The following RIC3 variants were observed in gnomAD, a reference collection of about 807,000 sequenced individuals.
The protein encoded by RIC3 is protein RIC-3.
Under a neutral mutation model 27.3 loss-of-function variants are expected in RIC3, and 28 were observed. The ratio of observed to expected loss-of-function variants is 1.02; its 90% CI spans 0.76 to 1.41. RIC3 has a LOEUF of 1.41. RIC3 is among the 40% of genes most tolerant of loss of function. The pLI is 0.00. For missense variants in RIC3, 501 were observed against 444.7 expected, an observed-to-expected ratio of 1.13 and a Z score of -1.14; for synonymous variants, 184 against 160.4, an observed-to-expected ratio of 1.15 and a Z score of -1.11.
the RIC3 span, chr11:8,096,550 T>G: frequency 1.4e-6 from 1 of 699,156 alleles, no homozygotes. Context: ...TGTGTAGATA[T>G]GGCTAAGAGT....
rs1209438289 is a variant in RIC3 at position 8,109,999 on chromosome 11, G to A, written c.*699C>T. 6.5e-6 allele frequency: 1 copy of A among 154,028 alleles called. No homozygotes were observed. The highest frequency in any genetic ancestry group is 1.4e-5 in the Non-Finnish European group (1 of 69,394). The allele number at this position is 154,028 out of a possible 1,614,324, so 9.5% of individuals were successfully genotyped here. A position where few individuals can be genotyped will look rare whatever the true frequency, so the allele number is the denominator to read the frequency against. ...CTTGGCAGTTCTGTTAAGCAGAACAGGGGTAAAGGAAGCTAGATATCCAGG... is the reference window on the plus strand; with the variant it reads ...CTTGGCAGTTCTGTTAAGCAGAACAAGGGTAAAGGAAGCTAGATATCCAGG... On this transcript the variant is annotated 3_prime_UTR_variant, in exon 6 of 6. Coordinates refer to ENST00000309737, the MANE Select transcript of RIC3 (RefSeq NM_001206671.4).
chr11:8,097,311 G>A, the RIC3 span: 1 of 1,614,168 alleles, frequency 6.2e-7, no homozygotes, highest in South Asian at 1.1e-5. Context: ...TTGCACTGAG[G>A]CCGGCCCCCC....
chr11:8,124,099 GAAAA>G (rs1946754771), intron 5 of RIC3, among the ~76,000 whole-genome samples: 4 of 148,214 alleles, frequency 2.7e-5, no homozygotes, highest in East Asian at 4.0e-4. Flanking sequence ...AAAAGAAAAA[GAAAA>G]AGAGAAAGCA....
At chr11:8,101,513 G>A (rs200534110), downstream of RIC3, 44 of 1,614,092 alleles carry the variant, frequency 2.7e-5, no homozygotes, top group East Asian at 4.5e-5. Flanking sequence ...CAGTTTGGCC[G>A]GGTAGCAGAG....
chr11:8,164,545 G>A (rs951319295), intron 1 of RIC3, among the ~76,000 whole-genome samples: 11 of 152,144 alleles, frequency 7.2e-5, no homozygotes, highest in African/African-American at 2.4e-4. Context: ...GGAGGCCAAG[G>A]TGGGAGGATC....
chr11:8,131,628 C>T lies in RIC3; in HGVS notation c.522-4821G>A, dbSNP rs376202180. On this transcript the variant is annotated intron_variant, in intron 4 of 5. Transcript: ENST00000309737. ...ATCAAAAGTGAATAGGGGCCAGGTG[C>T]GGTGGCTCACGACTGTAATCCCAGC... Among the ~76,000 whole-genome samples the T allele has an allele frequency of 9.2e-5, 14 of 152,112 alleles. No homozygotes were observed. The South Asian group carries it at 1.0e-3, about 11-fold the overall frequency.
chr11:8,155,748 A>G (rs78155978), intron 1 of RIC3, among the ~76,000 whole-genome samples: 2,577 of 152,290 alleles, frequency 0.017, 78 homozygotes, highest in African/African-American at 0.058. Flanking sequence ...ATAAATCTAT[A>G]AAGAACTGGA....
chr11:8,154,578 A>G (rs767356866), intron 1 of RIC3, among the ~76,000 whole-genome samples: 1 of 152,174 alleles, frequency 6.6e-6, no homozygotes, highest in African/African-American at 2.4e-5. Flanking sequence ...AAATGTATCC[A>G]TGTTGACATG....
chr11:8,125,228 T>G (rs534307247), intron 5 of RIC3, among the ~76,000 whole-genome samples: 74 of 148,082 alleles, frequency 5.0e-4, no homozygotes, highest in African/African-American at 1.8e-3. Flanking sequence ...CACTCCGGCC[T>G]GGGTGACAGA....
chr11:8,093,892 GC>G, the RIC3 span, among the ~76,000 whole-genome samples: 1 of 152,150 alleles, frequency 6.6e-6, no homozygotes, highest in East Asian at 1.9e-4. Context: ...AGATGAGTGG[GC>G]CTGATCCTGT....
intron 4 of RIC3, among the ~76,000 whole-genome samples, chr11:8,134,783 A>G (rs982313851): frequency 7.2e-5 from 11 of 152,160 alleles, no homozygotes; most frequent in Non-Finnish European, 1.2e-4. Flanking sequence ...TTTTGGCTGC[A>G]TAAATGTCTT....
intron 5 of RIC3, among the ~76,000 whole-genome samples, chr11:8,124,076 A>G (rs893698831): frequency 4.7e-5 from 7 of 150,232 alleles, no homozygotes; most frequent in Admixed American, 4.0e-4. Flanking sequence ...AAAAAAAAAG[A>G]AAGAAAGAAA....
intron 4 of RIC3, among the ~76,000 whole-genome samples, chr11:8,133,192 T>A (rs921044127): frequency 1.3e-5 from 2 of 152,176 alleles, no homozygotes; most frequent in Non-Finnish European, 2.9e-5. Flanking sequence ...CCCTTCCGCC[T>A]TTCCACCATA....
rs532548248 is a variant in RIC3, at chr11:8,152,664, T to C, written c.125-12471A>G. Among the ~76,000 whole-genome samples the C allele has an allele frequency of 2.0e-5, 3 of 152,320 alleles. No homozygotes were observed. In the South Asian group the frequency reaches 6.2e-4, roughly 32 times the overall value. On this transcript the variant is annotated intron_variant, in intron 1 of 5. Coordinates refer to ENST00000309737, the MANE Select transcript of RIC3 (RefSeq NM_001206671.4). ...AAAGTTCTAAAATTGACTGTAGTGA[T>C]AGTTGCACAACTCTACGAATATACT...
intron 5 of RIC3, among the ~76,000 whole-genome samples, chr11:8,124,197 T>C (rs1444945163): frequency 3.9e-5 from 6 of 151,970 alleles, no homozygotes; most frequent in African/African-American, 1.4e-4. Flanking sequence ...ATGGAATAAA[T>C]AACAGTAACT....
the RIC3 span, among the ~76,000 whole-genome samples, chr11:8,099,845 C>T: frequency 1.3e-5 from 2 of 152,094 alleles, no homozygotes; most frequent in Non-Finnish European, 2.9e-5. Flanking sequence ...ACAGTGAGGA[C>T]AAAAGTCCTG....
chr11:8,134,682 G>A lies in RIC3; in HGVS notation c.521+2696C>T, dbSNP rs567631575. ...GTTATTTCCTGACTTTTTAATGATC[G>A]CCATTCTAACTGGTGTGAGGTGGTA... is the stretch of plus-strand genomic sequence containing the variant. On this transcript the variant is annotated intron_variant, in intron 4 of 5. Coordinates refer to ENST00000309737, the MANE Select transcript of RIC3 (RefSeq NM_001206671.4). Among the ~76,000 whole-genome samples the A allele has an allele frequency of 3.3e-3, 498 of 152,128 alleles. 2 individuals are homozygous for A. The highest frequency in any genetic ancestry group is 3.6e-3 in the Non-Finnish European group (245 of 68,016).
chr11:8,139,171 C>A (rs1052326733), intron 2 of RIC3: 1 of 152,268 alleles, frequency 6.6e-6, no homozygotes, highest in African/African-American at 2.4e-5. Context: ...CTTGCTCATG[C>A]TCATCTAAAA....
At chr11:8,166,714 C>CA (rs1251847585) in intron 1 of RIC3, among the ~76,000 whole-genome samples, 5 of 151,880 alleles carry the variant, frequency 3.3e-5, no homozygotes, top group Admixed American at 6.6e-5. Flanking sequence ...CAACCAAAAA[C>CA]AAAAAAAATT....
Sources: allele counts gnomAD v4.1 joint callset (sites outside exome capture counted in the v4.1 genomes callset), GRCh38; gene constraint gnomAD v4.1.1; transcripts MANE v1.5; gene names NCBI Gene and HGNC (gene_info 2026-07-23, HGNC 2026-07-21).